TMEM273: variants seen among roughly 807,000 people sequenced by gnomAD.
TMEM273 encodes the protein transmembrane protein 273, also known as chromosome 10 open reading frame 128.
A neutral mutation model predicts 17.9 loss-of-function variants in TMEM273; 19 were observed. The observed-to-expected ratio is 1.06, with a 90% CI of 0.74 to 1.55. The LOEUF is 1.55. Ranked by LOEUF, TMEM273 falls within the 40% of genes most tolerant of loss-of-function variation. TMEM273 has a pLI of 0.00. For missense variants in TMEM273, 194 were observed against 155.6 expected (o/e 1.25, Z -1.31); for synonymous variants, 66 against 62.0 (o/e 1.07, Z -0.31).
chr10:49,164,328 A>G (rs1846028082), intron 5 of TMEM273, among the ~76,000 whole-genome samples: 1 of 151,888 alleles, frequency 6.6e-6, no homozygotes, highest in Non-Finnish European at 1.5e-5. Context: ...CTCCTCCTTA[A>G]CTTTGTTCCC....
At chr10:49,157,505 A>C (rs1845584368) in intron 6 of TMEM273, among the ~76,000 whole-genome samples, 1 of 152,274 alleles carries the variant, frequency 6.6e-6, no homozygotes, top group Admixed American at 6.5e-5. Context: ...CAAGGAAAGA[A>C]GAAGAACAAA....
In TMEM273 at chr10:49,165,251, T is replaced by C. The variant is rs1846096171; in HGVS notation, c.302A>G (p.Lys101Arg). 1 of 1,550,296 alleles carries C rather than the reference T, an allele frequency of 6.5e-7. No homozygotes were observed. The highest frequency in any genetic ancestry group is 1.4e-5 in the African/African-American group (1 of 72,982). ...KLQASTLFSF[K>R]SLLQCHHCIM... is the part of the protein sequence containing the mutation. ...GCAGTGGTGACACTGAAGCAGGGAT[T>C]TGAAGGAAAAGAGGGTCGAGGCTTG... is the stretch of plus-strand genomic sequence containing the variant. Residue 101 changes from lysine (K) to arginine (R), a missense_variant, in exon 5 of 7, where the codon AAA becomes AGA. Coordinates refer to ENST00000374153, the MANE Select transcript of TMEM273 (RefSeq NM_001288740.3).
At chr10:49,163,849 T>A (rs1845999936) in intron 5 of TMEM273, among the ~76,000 whole-genome samples, 1 of 152,100 alleles carries the variant, frequency 6.6e-6, no homozygotes, top group Admixed American at 6.5e-5. Context: ...AAAAGTGAAC[T>A]TCTCAAGAAA....
At chr10:49,180,276 T>C (rs1847263149) in intron 1 of TMEM273, among the ~76,000 whole-genome samples, 1 of 152,144 alleles carries the variant, frequency 6.6e-6, no homozygotes, top group Non-Finnish European at 1.5e-5. Context: ...CAGGGTGCTG[T>C]CTGCAAGTGC....
At chr10:49,175,762 A>G (rs1590230381) in intron 1 of TMEM273, among the ~76,000 whole-genome samples, 1 of 152,326 alleles carries the variant, frequency 6.6e-6, no homozygotes, top group Middle Eastern at 3.4e-3. Context: ...GTGGTGACAC[A>G]TGTGAGCACT....
intron 1 of TMEM273, among the ~76,000 whole-genome samples, chr10:49,181,666 T>C (rs1847347588): frequency 6.6e-6 from 1 of 152,188 alleles, no homozygotes; most frequent in East Asian, 1.9e-4. Flanking sequence ...GTTAAAAAAT[T>C]ACCTTGATTA....
intron 1 of TMEM273, chr10:49,178,279 C>T (rs919547650): frequency 8.3e-5 from 38 of 457,126 alleles, no homozygotes; most frequent in African/African-American, 2.0e-4. Flanking sequence ...TAGGATGGCA[C>T]GCCACCTGTC....
chr10:49,184,281 A>G (rs965163879), intron 1 of TMEM273, among the ~76,000 whole-genome samples: 2 of 152,234 alleles, frequency 1.3e-5, no homozygotes, highest in Non-Finnish European at 2.9e-5. Flanking sequence ...CAGAAAAACC[A>G]AGCACACAAA....
chr10:49,156,339 A>G (rs1399769728), intron 6 of TMEM273: 4 of 1,225,496 alleles, frequency 3.3e-6, no homozygotes, highest in Non-Finnish European at 4.3e-6. Flanking sequence ...GAGCTGTTAC[A>G]GAGGGTGAGA....
Position 49,165,793 on chromosome 10 carries a change from G to T in TMEM273, c.242C>A (p.Thr81Asn). The change falls in exon 4 of 7, where the codon ACC becomes AAC. Residue 81 changes from threonine (T) to asparagine (N), a missense_variant. By Grantham distance (65) the Thr-to-Asn change is moderately conservative. Transcript: ENST00000374153. ...LKSTPGGLSD[T>N]IPLKKRAPRK... ...TGGGGCTCTCTTCTTTAGCGGGATG[G>T]TGTCTAAACAGAGAAAGCCGGGCAT... 1 of 1,614,196 alleles carries T rather than the reference G, an allele frequency of 6.2e-7. No homozygotes were observed. The highest frequency in any genetic ancestry group is 1.6e-4 in the Middle Eastern group (1 of 6,062).
At position 49,163,784 on chromosome 10, in the gene TMEM273, C is replaced by T. The variant is rs117724385; in HGVS notation, c.348+1421G>A. On this transcript the variant is annotated intron_variant, in intron 5 of 6. Transcript: ENST00000374153. ...TGATGAAATGTGCTTTAATGCTTCA[C>T]AATCAGAAACCACTGCTGAAAACTA... Among the ~76,000 whole-genome samples, 13 of 152,232 alleles carry T rather than the reference C, an allele frequency of 8.5e-5. No individual in the cohort carries two copies. The East Asian group carries it at 2.1e-3, about 25-fold the overall frequency.
chr10:49,174,697 CA>C (rs1846831902), intron 1 of TMEM273, among the ~76,000 whole-genome samples: 2 of 152,114 alleles, frequency 1.3e-5, no homozygotes. Flanking sequence ...AAAAGGTGTG[CA>C]AAGCAGTGGT....
intron 1 of TMEM273, among the ~76,000 whole-genome samples, chr10:49,179,021 G>A (rs1369574097): frequency 6.6e-6 from 1 of 152,162 alleles, no homozygotes; most frequent in African/African-American, 2.4e-5. Context: ...GTGTGAACAG[G>A]GCTTGGCTGC....
chr10:49,171,931 AC>A (rs1481758083), intron 1 of TMEM273, among the ~76,000 whole-genome samples: 6 of 152,260 alleles, frequency 3.9e-5, no homozygotes, highest in African/African-American at 1.2e-4. Context: ...ACTCTTTGCC[AC>A]CCTTATTTGG....
rs1403748767 is a variant in TMEM273 at position 49,154,895 on chromosome 10, C to T, written c.*997G>A. 1 of 152,196 alleles carries T rather than the reference C, an allele frequency of 6.6e-6. No individual in the cohort carries two copies. The allele number at this position is 152,196 out of a possible 1,614,324, so 9.4% of individuals were successfully genotyped here. On this transcript the variant is annotated 3_prime_UTR_variant, in exon 7 of 7. Transcript: ENST00000374153. ...GGAGTCCAGGCAAATCATGACAACA[C>T]AGCACTTTGTTCTGAAATATAGCTC...
intron 3 of TMEM273, 179 bp downstream of exon 3, chr10:49,166,688 AAG>A (rs1846204393): frequency 1.2e-6 from 1 of 813,668 alleles, no homozygotes. Context: ...AGACAGAAGA[AAG>A]AGAAACAGAG....
chr10:49,168,446 G>A (rs1846336905), intron 1 of TMEM273, among the ~76,000 whole-genome samples: 1 of 152,110 alleles, frequency 6.6e-6, no homozygotes, highest in Non-Finnish European at 1.5e-5. Flanking sequence ...GTGCTCCGTA[G>A]CCGTGGTGCT....
In TMEM273 at chr10:49,167,116, C is replaced by A. The variant is rs1590204399; in HGVS notation, c.98-107G>T. 1.0e-5 allele frequency: 15 copies of A among 1,472,980 alleles called. No homozygotes were observed. The Middle Eastern group carries it at 7.2e-4, about 71-fold the overall frequency. The allele number at this position is 1,472,980 out of a possible 1,614,324, so 91.2% of individuals were successfully genotyped here. A position where few individuals can be genotyped will look rare whatever the true frequency, so the allele number is the denominator to read the frequency against. ...ATGTGGCCCTTAACACACCACCTCC[C>A]ACTGGCTGAGGCCAGCCTCACCTTC... On this transcript the variant is annotated intron_variant, in intron 2 of 6. Coordinates refer to ENST00000374153, the MANE Select transcript of TMEM273 (RefSeq NM_001288740.3).
intron 1 of TMEM273, among the ~76,000 whole-genome samples, chr10:49,174,301 C>T (rs2002332): frequency 0.078 from 11,839 of 152,110 alleles, 684 homozygotes; most frequent in African/African-American, 0.15. Context: ...AGGCACTCCA[C>T]GGGGCTGTTT....
Sources: gnomAD v4.1 joint callset for allele counts (sites outside exome capture counted in the v4.1 genomes callset) on GRCh38, gnomAD v4.1.1 for gene constraint, MANE v1.5 for transcripts, NCBI Gene and HGNC (gene_info 2026-07-23, HGNC 2026-07-21) for gene names.